The following SMC3 variants were observed in gnomAD, a reference collection of about 807,000 sequenced individuals.
SMC3 encodes the protein structural maintenance of chromosomes 3, also known as structural maintenance of chromosomes protein 3.
A neutral mutation model predicts 171.8 loss-of-function variants in SMC3; 20 were observed. The observed-to-expected ratio is 0.12, with a 90% CI of 0.08 to 0.17. SMC3 has a LOEUF of 0.17. Among genes scored for constraint, SMC3 ranks in the 10% least tolerant of loss-of-function variants. The pLI is 1.00. For synonymous variants in SMC3, 464 were observed against 451.1 expected (o/e 1.03, Z -0.36); for missense variants, 543 against 1,420.4 (o/e 0.38, Z 9.93).
rs779707415 is a variant in SMC3, at chr10:110,605,520, TAA to T, written c.*1220_*1221del. On this transcript the variant is annotated 3_prime_UTR_variant, in exon 29 of 29. Coordinates refer to ENST00000361804, the MANE Select transcript of SMC3 (RefSeq NM_005445.4). ...TCCATCATTGGAAACCAGAAATACCTAAAGAGATACTTTTAAAATAAAGAAAT... is the reference window on the plus strand; with the variant it reads ...TCCATCATTGGAAACCAGAAATACCTAGAGATACTTTTAAAATAAAGAAAT... Among the ~76,000 whole-genome samples, 1 of 152,222 alleles carries T rather than the reference TAA, an allele frequency of 6.6e-6. No individual in the cohort carries two copies. Among genetic ancestry groups the T allele is most frequent in the African/African-American group, 2.4e-5 (1 of 41,456 alleles).
chr10:110,583,130 A>T (rs554053334), intron 10 of SMC3, among the ~76,000 whole-genome samples: 2 of 152,126 alleles, frequency 1.3e-5, no homozygotes, highest in East Asian at 3.9e-4. Context: ...GGGTTCAAGG[A>T]GTCCTCCCAC....
In SMC3 at chr10:110,602,010, C is replaced by T. The variant is rs765282119; in HGVS notation, c.2937C>T (p.Tyr979=). The T allele has an allele frequency of 3.7e-6, 6 of 1,613,542 alleles. No individual in the cohort carries two copies. The highest frequency in any genetic ancestry group is 4.5e-5 in the East Asian group (2 of 44,838). The change falls in exon 25 of 29, where the codon TAC becomes TAT. Residue 979 remains tyrosine (Y), a synonymous_variant. Transcript: ENST00000361804. ...AGTGCAACACAGAATTAAAGAAGTA[C>T]AGCCATGTTAACAAAAAGGCTTTGG... is the stretch of plus-strand genomic sequence containing the variant. ...LEQCNTELKK[Y]SHVNKKALDQ...
At chr10:110,583,618 T>C in intron 11 of SMC3, 70 bp downstream of exon 11, 2 of 1,518,556 alleles carry the variant, frequency 1.3e-6, no homozygotes, top group Non-Finnish European at 1.8e-6. Flanking sequence ...GACAGCCCTT[T>C]CTGTGACTGG....
chr10:110,586,299 G>C (rs1861114792), intron 13 of SMC3, among the ~76,000 whole-genome samples: 1 of 152,266 alleles, frequency 6.6e-6, no homozygotes, highest in Admixed American at 6.5e-5. Flanking sequence ...ATTGCGAGGA[G>C]TGTAGCCTGC....
chr10:110,603,856 G>T (rs2134755187), intron 28 of SMC3, among the ~76,000 whole-genome samples: 1 of 152,212 alleles, frequency 6.6e-6, no homozygotes, highest in South Asian at 2.1e-4. Flanking sequence ...AGCACTTTGG[G>T]AGGCCAAGGC....
chr10:110,575,533 T>C (rs898622057), intron 4 of SMC3, 130 bp downstream of exon 4: 1 of 742,794 alleles, frequency 1.3e-6, no homozygotes, highest in Non-Finnish European at 2.3e-6. Context: ...TTCTCATAAG[T>C]GTGTTACTCT....
rs1861358258 is a variant in SMC3 at position 110,599,763 on chromosome 10, A to T, written c.2378A>T (p.Asp793Val). The T allele has an allele frequency of 6.2e-7, 1 of 1,614,002 alleles. No individual in the cohort carries two copies. Among genetic ancestry groups the T allele is most frequent in the African/African-American group, 1.3e-5 (1 of 74,930 alleles). Reference protein sequence around the residue: ...TDLLSQLSLEDQKRVDALNDE... With the variant: ...TDLLSQLSLEVQKRVDALNDE... Reference sequence around the variant, plus strand: ...TTGCTTTCTCAACTGAGTTTGGAAGATCAGAAGAGAGTAGATGCACTGAAT... The same window carrying T: ...TTGCTTTCTCAACTGAGTTTGGAAGTTCAGAAGAGAGTAGATGCACTGAAT... The change falls in exon 21 of 29, where the codon GAT (aspartate) becomes GTT (valine). Residue 793 changes from aspartate (D) to valine (V), a missense_variant. This residue lies in a region of SMC3 where 218 missense variants were observed against 509.6 expected (regional missense o/e 0.43). Transcript: ENST00000361804.
chr10:110,602,783 T>G, intron 26 of SMC3, 42 bp from the exon 27 acceptor site: 1 of 1,595,300 alleles, frequency 6.3e-7, no homozygotes, highest in Non-Finnish European at 8.6e-7. Context: ...TGGTGGTGAT[T>G]CTGCCCTTTA....
intron 11 of SMC3, 30 bp downstream of exon 11, chr10:110,583,578 T>G (rs771697306): frequency 5.0e-6 from 8 of 1,608,468 alleles, no homozygotes; most frequent in Non-Finnish European, 6.8e-6. Context: ...ATGAAAGATG[T>G]GAATGTTCAG....
chr10:110,587,547 G>GT (rs1290415124), intron 13 of SMC3, among the ~76,000 whole-genome samples: 1 of 152,126 alleles, frequency 6.6e-6, no homozygotes, highest in African/African-American at 2.4e-5. Flanking sequence ...TTAGCTGGGC[G>GT]TGGTGGCGGG....
At chr10:110,572,742 T>G (rs1860890051) in intron 2 of SMC3, among the ~76,000 whole-genome samples, 1 of 152,206 alleles carries the variant, frequency 6.6e-6, no homozygotes, top group Non-Finnish European at 1.5e-5. Context: ...GACCCTTGCC[T>G]TTATTCTGAC....
chr10:110,579,986 C>T (rs1861008527), intron 7 of SMC3, among the ~76,000 whole-genome samples: 2 of 152,068 alleles, frequency 1.3e-5, no homozygotes, highest in South Asian at 4.1e-4. Flanking sequence ...CCTTCTGTAT[C>T]TGTAGGTTCC....
chr10:110,580,166 G>A (rs1003987341), intron 7 of SMC3, among the ~76,000 whole-genome samples: 2 of 152,088 alleles, frequency 1.3e-5, no homozygotes, highest in African/African-American at 4.8e-5. Context: ...GGAAGGATGT[G>A]CATAGGTTAT....
intron 2 of SMC3, 134 bp from the exon 3 acceptor site, chr10:110,573,573 C>A: frequency 3.9e-6 from 1 of 256,316 alleles, no homozygotes; most frequent in Non-Finnish European, 6.5e-6. Context: ...TTCTTTTGTT[C>A]ACTGTTTAAT....
chr10:110,586,761 G>A (rs1264446484), intron 13 of SMC3, among the ~76,000 whole-genome samples: 3 of 152,072 alleles, frequency 2.0e-5, no homozygotes, highest in Admixed American at 2.0e-4. Context: ...GGGTTCAAGC[G>A]ATTCTCCTAC....
At chr10:110,567,864 G>A (rs1245223655) in intron 1 of SMC3, 33 bp downstream of exon 1, 2 of 1,612,596 alleles carry the variant, frequency 1.2e-6, no homozygotes. Flanking sequence ...CCCCGTCATG[G>A]GCCGGTAAGG....
intron 3 of SMC3, among the ~76,000 whole-genome samples, chr10:110,574,845 T>C (rs1044272357): frequency 2.6e-5 from 4 of 152,140 alleles, no homozygotes; most frequent in Admixed American, 2.6e-4. Context: ...GTATAAGAAG[T>C]GTAGTATAAG....
chr10:110,598,344 A>T, intron 20 of SMC3, 54 bp downstream of exon 20: 2 of 1,513,218 alleles, frequency 1.3e-6, no homozygotes, highest in Non-Finnish European at 1.8e-6. Context: ...AATAATATGG[A>T]AATATGAATC....
intron 2 of SMC3, among the ~76,000 whole-genome samples, chr10:110,570,040 AT>A (rs550179400): frequency 3.9e-5 from 6 of 151,990 alleles, no homozygotes; most frequent in East Asian, 1.9e-4. Context: ...TAAACAAGAT[AT>A]TTTTTTTCTC....
Sources: allele counts gnomAD v4.1 joint callset (sites outside exome capture counted in the v4.1 genomes callset), GRCh38; gene constraint gnomAD v4.1.1; regional missense constraint gnomAD v4.1.1; transcripts MANE v1.5; gene names NCBI Gene and HGNC (gene_info 2026-07-23, HGNC 2026-07-21).